Variants in TPCN1 observed in about 807,000 individuals in gnomAD.
TPCN1 encodes two pore channel protein 1.
TPCN1 carries 52 observed loss-of-function variants against 108.8 expected under a neutral mutation model. That is an observed-to-expected ratio of 0.48 (90% CI 0.38 to 0.60). TPCN1 has a LOEUF of 0.60. Among genes scored for constraint, TPCN1 ranks in the 20% least tolerant of loss-of-function variants. The pLI is 0.00. For missense variants in TPCN1, 806 were observed against 1,072.8 expected (o/e 0.75, Z 3.47); for synonymous variants, 446 against 433.7 (o/e 1.03, Z -0.35).
intron 2 of TPCN1, among the ~76,000 whole-genome samples, chr12:113,257,266 C>A (rs890895880): frequency 6.6e-6 from 1 of 152,080 alleles, no homozygotes; most frequent in Non-Finnish European, 1.5e-5. Flanking sequence ...CCGAGGCGGG[C>A]AGATCACCTG....
intron 3 of TPCN1, among the ~76,000 whole-genome samples, chr12:113,264,319 G>C (rs955086937): frequency 7.2e-5 from 11 of 152,210 alleles, no homozygotes; most frequent in African/African-American, 2.7e-4. Context: ...AGTTTATCCA[G>C]CTTCAGGGAA....
chr12:113,234,101 A>T (rs1420780120), intron 2 of TPCN1, among the ~76,000 whole-genome samples: 1 of 152,190 alleles, frequency 6.6e-6, no homozygotes, highest in East Asian at 1.9e-4. Context: ...TTGTAAAAAT[A>T]GCACAACTGA....
At chr12:113,295,623 A>G (rs1226062545) in intron 27 of TPCN1, among the ~76,000 whole-genome samples, 1 of 152,080 alleles carries the variant, frequency 6.6e-6, no homozygotes, top group African/African-American at 2.4e-5. Flanking sequence ...ATTCCTGCCA[A>G]GCTCAAAAGG....
chr12:113,225,233 T>A, intron 1 of TPCN1: 1 of 452,724 alleles, frequency 2.2e-6, no homozygotes, highest in Non-Finnish European at 4.4e-6. Flanking sequence ...TTAAAATTTT[T>A]TATTTTGTAG....
rs76843668 is a variant in TPCN1 at position 113,235,329 on chromosome 12, G to A, written c.112+8365G>A. ...TTGTTATGGTTCACATGAGTCTATG[G>A]AGTGCTCATTCTACATTCTCCGTTC... On this transcript the variant is annotated intron_variant, in intron 2 of 27. Transcript: ENST00000335509. 6.9e-3 allele frequency among the ~76,000 whole-genome samples: 1,056 copies of A among 152,192 alleles called. 44 individuals are homozygous for A. In the East Asian group the frequency reaches 0.14, roughly 20 times the overall value.
chr12:113,288,020 C>T lies in TPCN1; in HGVS notation c.1635-143C>T. On this transcript the variant is annotated intron_variant, in intron 19 of 27. Transcript: ENST00000335509. The surrounding 1 kb of genome is among the most constrained non-coding windows in gnomAD (Gnocchi z 4.8). Reference sequence around the variant, plus strand: ...TGAGCCCAGCTCAGGGTTGGTGGCGCCCAAGGGAGTGGACGCAGGTGGAGG... The same window carrying T: ...TGAGCCCAGCTCAGGGTTGGTGGCGTCCAAGGGAGTGGACGCAGGTGGAGG... 2 of 766,374 alleles carry T rather than the reference C, an allele frequency of 2.6e-6. No individual in the cohort carries two copies. Among genetic ancestry groups the T allele is most frequent in the Non-Finnish European group, 4.2e-6 (2 of 476,242 alleles). The allele number at this position is 766,374 out of a possible 1,614,324, so 47.5% of individuals were successfully genotyped here.
intron 12 of TPCN1, 48 bp from the exon 13 acceptor site, chr12:113,278,141 T>C (rs757222081): frequency 6.4e-7 from 1 of 1,551,020 alleles, no homozygotes; most frequent in Admixed American, 1.7e-5. Flanking sequence ...CAAAGCACAG[T>C]GGAACTATGT....
chr12:113,227,074 C>A, intron 2 of TPCN1, 110 bp downstream of exon 2: 1 of 887,762 alleles, frequency 1.1e-6, no homozygotes, highest in South Asian at 1.8e-5. Context: ...GTTGCCTGGC[C>A]CCACATTTGA....
chr12:113,277,738 G>A (rs548058336), intron 12 of TPCN1, among the ~76,000 whole-genome samples: 19 of 152,210 alleles, frequency 1.2e-4, no homozygotes, highest in African/African-American at 4.6e-4. Flanking sequence ...GAACTGACCC[G>A]AGATCTCCAG....
Position 113,266,396 on chromosome 12 carries a change from C to A in TPCN1, c.414+40C>A. ...TCCTCATACGGGGGGCTGGGAGCCA[C>A]GGCTTTCAGGGCAAGCGATGGAACT... On this transcript the variant is annotated intron_variant, in intron 4 of 27. Transcript: ENST00000335509. This position sits in a 1 kb window ranked among gnomAD's most constrained non-coding sequence, Gnocchi z 4.2. The A allele has an allele frequency of 1.3e-6, 2 of 1,594,080 alleles. No homozygotes were observed. Among genetic ancestry groups the A allele is most frequent in the East Asian group, 2.2e-5 (1 of 44,736 alleles).
At position 113,266,094 on chromosome 12, in the gene TPCN1, CT is replaced by C. The variant is rs767462447; in HGVS notation, c.238-84del. The stretch of plus-strand genomic sequence containing the variant: ...GAATCTCTCCTCGCCTGCCTGGGGC[CT>C]TCCTTTCCTCCCCTGCCCGCGGCTC... On this transcript the variant is annotated intron_variant, in intron 3 of 27. Transcript: ENST00000335509. The surrounding 1 kb of genome is among the most constrained non-coding windows in gnomAD (Gnocchi z 4.2). 32 of 1,466,014 alleles carry C rather than the reference CT, an allele frequency of 2.2e-5. No individual in the cohort carries two copies. Among genetic ancestry groups the C allele is most frequent in the Non-Finnish European group, 2.7e-5 (29 of 1,066,408 alleles). 90.8% of individuals were successfully genotyped at this position (1,466,014 alleles called of 1,614,324 possible).
At chr12:113,246,694 G>GT (rs1954401487) in intron 2 of TPCN1, among the ~76,000 whole-genome samples, 1 of 152,234 alleles carries the variant, frequency 6.6e-6, no homozygotes, top group African/African-American at 2.4e-5. Flanking sequence ...AGGTCGTCCT[G>GT]TCTTCTCAAG....
Position 113,284,590 on chromosome 12 carries a change from T to C in TPCN1, c.1352T>C (p.Val451Ala), listed in dbSNP as rs1389298590. The change falls in exon 16 of 28, where the codon GTG (valine) becomes GCG (alanine). Residue 451 changes from valine (V) to alanine (A), a missense_variant. Transcript: ENST00000335509. This position sits in a 1 kb window ranked among gnomAD's most constrained non-coding sequence, Gnocchi z 4.1. ...GGCCTGTGTATTTCAGACTTGGTGG[T>C]GGCAGTCAACGGGGTCTGGATCCTC... ...KAFQYFMYLV[V>A]AVNGVWILVE... is the part of the protein sequence containing the mutation. 2.5e-6 allele frequency: 4 copies of C among 1,614,064 alleles called. No homozygotes were observed. The highest frequency in any genetic ancestry group is 2.7e-5 in the African/African-American group (2 of 74,926).
chr12:113,254,058 G>A (rs1566160152), intron 2 of TPCN1, among the ~76,000 whole-genome samples: 1 of 152,230 alleles, frequency 6.6e-6, no homozygotes, highest in African/African-American at 2.4e-5. Flanking sequence ...CCTTATAGCT[G>A]TGTGATCTTG....
At chr12:113,224,816 T>C (rs1953411588) in intron 1 of TPCN1, among the ~76,000 whole-genome samples, 1 of 152,190 alleles carries the variant, frequency 6.6e-6, no homozygotes, top group Non-Finnish European at 1.5e-5. Flanking sequence ...CAGTGCACCA[T>C]CTCGGCTCAC....
In TPCN1 at chr12:113,284,157, A is replaced by G. The variant is rs1955984160; in HGVS notation, c.1343-424A>G. Among the ~76,000 whole-genome samples, 1 of 152,206 alleles carries G rather than the reference A, an allele frequency of 6.6e-6. No homozygotes were observed. The highest frequency in any genetic ancestry group is 6.5e-5 in the Admixed American group (1 of 15,278). ...GTGTGTCATTGGGATGGTTTCTGGA[A>G]AGTGGGATTGCTAGGCGAATGGCTT... is the stretch of plus-strand genomic sequence containing the variant. On this transcript the variant is annotated intron_variant, in intron 15 of 27. Coordinates refer to ENST00000335509, the MANE Select transcript of TPCN1 (RefSeq NM_017901.6). The surrounding 1 kb of genome is among the most constrained non-coding windows in gnomAD (Gnocchi z 4.1).
At chr12:113,276,143 C>T (rs920684128) in intron 10 of TPCN1, among the ~76,000 whole-genome samples, 11 of 152,190 alleles carry the variant, frequency 7.2e-5, no homozygotes, top group African/African-American at 2.7e-4. Flanking sequence ...ATCATTTGGC[C>T]TTCACAGCCT....
chr12:113,293,923 C>A (rs759946648), intron 27 of TPCN1, among the ~76,000 whole-genome samples: 1 of 152,140 alleles, frequency 6.6e-6, no homozygotes, highest in Admixed American at 6.5e-5. Context: ...CTGCAACCTC[C>A]GCCTCCTGGG....
intron 2 of TPCN1, among the ~76,000 whole-genome samples, chr12:113,254,354 A>G (rs1397079335): frequency 6.6e-6 from 1 of 152,248 alleles, no homozygotes; most frequent in Admixed American, 6.5e-5. Flanking sequence ...TGATACCCAA[A>G]CCAGCAAAGA....
Sources: allele counts gnomAD v4.1 joint callset (sites outside exome capture counted in the v4.1 genomes callset), GRCh38; gene constraint gnomAD v4.1.1; non-coding constraint Gnocchi (gnomAD v3.1); transcripts MANE v1.5; gene names NCBI Gene and HGNC (gene_info 2026-07-23, HGNC 2026-07-21).